CACNA1A: variants seen among roughly 807,000 people sequenced by gnomAD.
The protein encoded by CACNA1A is voltage-dependent P/Q-type calcium channel subunit alpha-1A.
A neutral mutation model predicts 262.4 loss-of-function variants in CACNA1A; 57 were observed. That is an observed-to-expected ratio of 0.22 (90% CI 0.18 to 0.27). CACNA1A has a LOEUF of 0.27. Ranked by LOEUF, CACNA1A falls within the 10% of genes least tolerant of loss-of-function variation. The probability of loss-of-function intolerance (pLI) is 1.00; values close to 1 mark genes in which losing one functional copy is unlikely to be tolerated. For synonymous variants in CACNA1A, 1,431 were observed against 1,419.3 expected (o/e 1.01, Z -0.18); for missense variants, 2,526 against 3,562.8 (o/e 0.71, Z 7.41).
rs1293305304 is a variant in CACNA1A at position 13,236,899 on chromosome 19, G to C, written c.4951-1169C>G. Among the ~76,000 whole-genome samples, 1 of 151,612 alleles carries C rather than the reference G, an allele frequency of 6.6e-6. No homozygotes were observed. The highest frequency in any genetic ancestry group is 1.9e-4 in the East Asian group (1 of 5,174). On this transcript the variant is annotated intron_variant, in intron 31 of 46. Coordinates refer to ENST00000360228, the MANE Select transcript of CACNA1A (RefSeq NM_001127222.2). This position sits in a 1 kb window ranked among gnomAD's most constrained non-coding sequence, Gnocchi z 4.6. ...TTGTGGGGCTTCAAGGGACCTTGGT[G>C]GGGGGGGTGGGACTCTCGAAGTCAC...
chr19:13,210,797 A>G (rs2054784216), intron 43 of CACNA1A, 145 bp from the exon 44 acceptor site: 2 of 862,432 alleles, frequency 2.3e-6, no homozygotes, highest in Non-Finnish European at 1.9e-6. Context: ...AATCGGAGGG[A>G]GAAGGCAGGG....
chr19:13,307,233 T>G (rs181403255), intron 15 of CACNA1A: 6 of 152,452 alleles, frequency 3.9e-5, no homozygotes, highest in African/African-American at 1.4e-4. Context: ...AAAGTGGTTT[T>G]TTTTTTCTTT....
chr19:13,498,883 C>T (rs891223785), intron 1 of CACNA1A, among the ~76,000 whole-genome samples: 2 of 152,132 alleles, frequency 1.3e-5, no homozygotes, highest in South Asian at 2.1e-4. Flanking sequence ...AGATGCTAAA[C>T]CCAGGATAGT....
At chr19:13,315,182 A>G (rs1730757069) in intron 11 of CACNA1A, 1 of 150,240 alleles carries the variant, frequency 6.7e-6, no homozygotes. Flanking sequence ...GACATCTCTG[A>G]AATTAATGTG....
intron 11 of CACNA1A, chr19:13,315,095 C>T (rs997563890): frequency 6.6e-6 from 1 of 151,768 alleles, no homozygotes; most frequent in Admixed American, 6.6e-5. Context: ...GTTTCTACCA[C>T]ATAGATGTGG....
intron 5 of CACNA1A, 39 bp downstream of exon 5, chr19:13,365,278 G>A (rs758457516): frequency 6.4e-7 from 1 of 1,571,496 alleles, no homozygotes; most frequent in South Asian, 1.2e-5. Flanking sequence ...GTCCCTGAAG[G>A]AGAAAACTGG....
rs1184070537 is a variant in CACNA1A at position 13,395,066 on chromosome 19, G to A, written c.540-23287C>T. On this transcript the variant is annotated intron_variant, in intron 3 of 46. Coordinates refer to ENST00000360228, the MANE Select transcript of CACNA1A (RefSeq NM_001127222.2). The stretch of plus-strand genomic sequence containing the variant: ...ACGTGGGTGGATCACTTGAGGTCAG[G>A]AGTTTAAGACCAGCCTGGCCAACAT... Among the ~76,000 whole-genome samples, 5 of 151,038 alleles carry A rather than the reference G, an allele frequency of 3.3e-5. No homozygotes were observed. In the South Asian group the frequency reaches 1.0e-3, roughly 32 times the overall value.
chr19:13,265,586 G>A (rs186067309), intron 24 of CACNA1A, among the ~76,000 whole-genome samples: 3 of 152,290 alleles, frequency 2.0e-5, no homozygotes, highest in East Asian at 1.9e-4. Context: ...CAGTCACTGA[G>A]ATAATTTTAG....
chr19:13,314,591 C>T (rs369453878), intron 11 of CACNA1A, among the ~76,000 whole-genome samples: 15 of 152,262 alleles, frequency 9.9e-5, no homozygotes, highest in South Asian at 2.1e-4. Flanking sequence ...GAGTAGCTTT[C>T]GCCAGACAGG....
At chr19:13,428,835 C>A (rs1007708130) in intron 3 of CACNA1A, among the ~76,000 whole-genome samples, 22 of 152,098 alleles carry the variant, frequency 1.4e-4, no homozygotes, top group African/African-American at 5.1e-4. Flanking sequence ...TTTGCTTCTA[C>A]CATATGTTCC....
chr19:13,334,585 GTGTGTGTT>G, intron 7 of CACNA1A, 92 bp from the exon 8 acceptor site: 16 of 644,750 alleles, frequency 2.5e-5, no homozygotes, highest in East Asian at 5.6e-5. Flanking sequence ...GTGTGTGTGT[GTGTGTGTT>G]TGTGTGTGTG....
chr19:13,379,154 A>G (rs1001872834), intron 3 of CACNA1A, among the ~76,000 whole-genome samples: 3 of 151,718 alleles, frequency 2.0e-5, no homozygotes, highest in African/African-American at 4.8e-5. Flanking sequence ...CTATTTTTAA[A>G]AAGAATTTTT....
At chr19:13,242,939 G>A (rs928797849) in intron 31 of CACNA1A, among the ~76,000 whole-genome samples, 7 of 152,160 alleles carry the variant, frequency 4.6e-5, no homozygotes, top group East Asian at 1.9e-4. Context: ...AACACCCCAT[G>A]CCCCATCTTC....
rs563006652 is a variant in CACNA1A at position 13,478,037 on chromosome 19, T to C, written c.294-22825A>G. Among the ~76,000 whole-genome samples, 21 of 152,240 alleles carry C rather than the reference T, an allele frequency of 1.4e-4. No homozygotes were observed. The East Asian group carries it at 3.7e-3, about 27-fold the overall frequency. On this transcript the variant is annotated intron_variant, in intron 1 of 46. Transcript: ENST00000360228. Reference sequence around the variant, plus strand: ...CCCTGATTTTTCCTCCCCAGACAAATCTTCGTCTCTCTGTTCTTGGAAACT... The same window carrying C: ...CCCTGATTTTTCCTCCCCAGACAAACCTTCGTCTCTCTGTTCTTGGAAACT...
Position 13,308,500 on chromosome 19 carries a change from A to C in CACNA1A, c.1697T>G (p.Ile566Ser), listed in dbSNP as rs2057953869. 1 of 1,613,198 alleles carries C rather than the reference A, an allele frequency of 6.2e-7. No individual in the cohort carries two copies. The highest frequency in any genetic ancestry group is 1.3e-5 in the African/African-American group (1 of 75,034). ...TGTGCCAGGTTTTATGACAGCCCAG[A>C]TGACCTCGAAGATGCTCCCAATGAT... is the stretch of plus-strand genomic sequence containing the variant. ...GVIIGSIFEV[I>S]WAVIKPGTSF... is the part of the protein sequence containing the mutation. Residue 566 changes from isoleucine to serine, a missense_variant, in exon 13 of 47, where the codon ATC (isoleucine) becomes AGC (serine). Ile to Ser is a moderately radical substitution (Grantham distance 142). Coordinates refer to ENST00000360228, the MANE Select transcript of CACNA1A (RefSeq NM_001127222.2). The surrounding 1 kb of genome is among the most constrained non-coding windows in gnomAD (Gnocchi z 4.2).
At chr19:13,282,404 C>T (rs1021894563) in intron 22 of CACNA1A, among the ~76,000 whole-genome samples, 2 of 152,120 alleles carry the variant, frequency 1.3e-5, no homozygotes, top group African/African-American at 4.8e-5. Context: ...CAAGCCTCTG[C>T]CCGCAGCCCA....
intron 6 of CACNA1A, among the ~76,000 whole-genome samples, chr19:13,357,026 C>T (rs577148807): frequency 5.3e-5 from 8 of 152,272 alleles, no homozygotes; most frequent in South Asian, 2.1e-4. Flanking sequence ...CAGTAGAAAT[C>T]GTATGTTGTC....
In CACNA1A at chr19:13,440,933, G is replaced by A. The variant is rs1285520232; in HGVS notation, c.539+11943C>T. 2.6e-5 allele frequency among the ~76,000 whole-genome samples: 4 copies of A among 152,194 alleles called. No individual in the cohort carries two copies. In the East Asian group the frequency reaches 7.7e-4, roughly 29 times the overall value. ...TGATTCTCCCACCTCAGCCTCCTGAGTAGCTGGAATTACAGGCACACACTA... is the reference window on the plus strand; with the variant it reads ...TGATTCTCCCACCTCAGCCTCCTGAATAGCTGGAATTACAGGCACACACTA... On this transcript the variant is annotated intron_variant, in intron 3 of 46. Transcript: ENST00000360228.
chr19:13,453,431 A>C (rs933038755), intron 2 of CACNA1A, among the ~76,000 whole-genome samples: 11 of 152,354 alleles, frequency 7.2e-5, no homozygotes, highest in African/African-American at 2.6e-4. Context: ...GATGGAGATC[A>C]TTTCTGTGAC....
Sources: gnomAD v4.1 joint callset for allele counts (sites outside exome capture counted in the v4.1 genomes callset) on GRCh38, gnomAD v4.1.1 for gene constraint, Gnocchi (gnomAD v3.1) non-coding constraint, MANE v1.5 for transcripts, NCBI Gene and HGNC (gene_info 2026-07-23, HGNC 2026-07-21) for gene names.